Variants in TMEM135 observed in about 807,000 individuals in gnomAD.
TMEM135 encodes the protein peroxisomal membrane protein 52.
In TMEM135, 30 loss-of-function variants were observed where a neutral mutation model predicts 60.3. The observed-to-expected ratio is 0.50, with a 90% CI of 0.37 to 0.68. The LOEUF (loss-of-function observed/expected upper bound fraction) is 0.68. Ranked by LOEUF, TMEM135 falls within the 30% of genes least tolerant of loss-of-function variation. TMEM135 has a pLI of 0.00. For missense variants in TMEM135, 468 were observed against 548.8 expected (o/e 0.85, Z 1.47); for synonymous variants, 190 against 186.7 (o/e 1.02, Z -0.14).
At chr11:87,234,498 G>A (rs1940953732) in intron 5 of TMEM135, among the ~76,000 whole-genome samples, 1 of 151,988 alleles carries the variant, frequency 6.6e-6, no homozygotes, top group Admixed American at 6.6e-5. Flanking sequence ...CAAAAGGGCT[G>A]CCTGATTAAA....
At chr11:87,179,196 T>A (rs980618571) in intron 5 of TMEM135, among the ~76,000 whole-genome samples, 1 of 152,218 alleles carries the variant, frequency 6.6e-6, no homozygotes, top group African/African-American at 2.4e-5. Flanking sequence ...TAAATTTTCT[T>A]GCCCTTTTTT....
At chr11:87,057,817 T>TGTGTGTGTGTGTGTGTG (rs34314691) in intron 1 of TMEM135, among the ~76,000 whole-genome samples, 1 of 149,264 alleles carries the variant, frequency 6.7e-6, no homozygotes, top group African/African-American at 2.5e-5. Context: ...GTGTGTGTGT[T>TGTGTGTGTGTGTGTGTG]TGTGTGTGTG....
chr11:87,183,853 G>A (rs1939583350), intron 5 of TMEM135, among the ~76,000 whole-genome samples: 1 of 151,196 alleles, frequency 6.6e-6, no homozygotes, highest in South Asian at 2.1e-4. Flanking sequence ...CTAGTTGGGA[G>A]GCTGAGGCAG....
intron 5 of TMEM135, among the ~76,000 whole-genome samples, chr11:87,235,756 GT>G (rs1042680775): frequency 6.6e-6 from 1 of 151,824 alleles, no homozygotes; most frequent in Admixed American, 6.6e-5. Context: ...TTTCTAATCT[GT>G]TTTTTTGGTA....
chr11:87,148,509 A>G (rs1248886255), intron 4 of TMEM135, among the ~76,000 whole-genome samples: 3 of 152,190 alleles, frequency 2.0e-5, no homozygotes, highest in Non-Finnish European at 4.4e-5. Context: ...CTGATTGCCT[A>G]GGGTTTTGAG....
chr11:87,195,460 C>T (rs1338237493), intron 5 of TMEM135, among the ~76,000 whole-genome samples: 1 of 149,708 alleles, frequency 6.7e-6, no homozygotes, highest in African/African-American at 2.5e-5. Flanking sequence ...GAGTTTTACT[C>T]TTGTTGTCCA....
rs779017621 is a variant in TMEM135, at chr11:87,327,395, C to T, written c.*6062C>T. Reference sequence around the variant, plus strand: ...AGGTCAGAAAAATAGAAAGAACCTGCTTCTGTGAGCCACTGAATGGTGCCA... The same window carrying T: ...AGGTCAGAAAAATAGAAAGAACCTGTTTCTGTGAGCCACTGAATGGTGCCA... On this transcript the variant is annotated 3_prime_UTR_variant, in exon 15 of 15. Coordinates refer to ENST00000305494, the MANE Select transcript of TMEM135 (RefSeq NM_022918.4). 14 of 454,046 alleles carry T rather than the reference C, an allele frequency of 3.1e-5. 1 individual carries two copies. The highest frequency in any genetic ancestry group is 2.2e-4 in the South Asian group (14 of 64,464). The allele number at this position is 454,046 out of a possible 1,614,324, so 28.1% of individuals were successfully genotyped here.
chr11:87,134,942 T>C (rs1348778452), intron 4 of TMEM135, among the ~76,000 whole-genome samples: 2 of 152,212 alleles, frequency 1.3e-5, no homozygotes, highest in African/African-American at 2.4e-5. Context: ...TTCTAATAGG[T>C]ATATAGTCAT....
chr11:87,314,320 C>A, intron 11 of TMEM135, 151 bp from the exon 12 acceptor site: 1 of 635,252 alleles, frequency 1.6e-6, no homozygotes, highest in South Asian at 1.8e-5. Context: ...TATCTCACCC[C>A]ATTTTAATGT....
intron 6 of TMEM135, among the ~76,000 whole-genome samples, chr11:87,275,050 A>G (rs1345829954): frequency 1.3e-5 from 2 of 151,884 alleles, no homozygotes; most frequent in African/African-American, 4.8e-5. Flanking sequence ...AAATGAATGA[A>G]TATTTGAGAT....
intron 5 of TMEM135, among the ~76,000 whole-genome samples, chr11:87,195,904 T>G (rs1328448750): frequency 6.6e-6 from 1 of 152,200 alleles, no homozygotes; most frequent in East Asian, 1.9e-4. Context: ...GTATGTAGTA[T>G]CTGTTCGAGA....
intron 6 of TMEM135, among the ~76,000 whole-genome samples, chr11:87,267,897 G>C (rs147249959): frequency 6.6e-6 from 1 of 152,088 alleles, no homozygotes; most frequent in African/African-American, 2.4e-5. Flanking sequence ...TCACCATGTT[G>C]ACCAGAATGG....
At chr11:87,123,026 G>A (rs1937627848) in intron 4 of TMEM135, among the ~76,000 whole-genome samples, 1 of 152,200 alleles carries the variant, frequency 6.6e-6, no homozygotes, top group African/African-American at 2.4e-5. Flanking sequence ...CATAGACAAT[G>A]TGTAAACAAA....
At chr11:87,212,123 C>T (rs891444817) in intron 5 of TMEM135, among the ~76,000 whole-genome samples, 1 of 152,132 alleles carries the variant, frequency 6.6e-6, no homozygotes, top group South Asian at 2.1e-4. Context: ...TGATACATAG[C>T]AAATGCCCAA....
At chr11:87,293,994 C>G (rs1245816183) in intron 6 of TMEM135, among the ~76,000 whole-genome samples, 1 of 152,172 alleles carries the variant, frequency 6.6e-6, no homozygotes, top group Non-Finnish European at 1.5e-5. Context: ...TAAAAGCATT[C>G]CTACTTCTCC....
chr11:87,262,791 C>T (rs1467832881), intron 6 of TMEM135, among the ~76,000 whole-genome samples: 3 of 152,062 alleles, frequency 2.0e-5, no homozygotes, highest in Admixed American at 2.0e-4. Context: ...GGAAGGCTGT[C>T]TTCATAGCAG....
Position 87,099,846 on chromosome 11 carries a change from C to A in TMEM135, c.396+8451C>A, listed in dbSNP as rs184866914. The stretch of plus-strand genomic sequence containing the variant: ...TACAGGTGTGCACCACCATGCCTGG[C>A]TAATTTTTGTATTTTTAGTAGAGAC... On this transcript the variant is annotated intron_variant, in intron 4 of 14. Transcript: ENST00000305494. Among the ~76,000 whole-genome samples the A allele has an allele frequency of 2.0e-3, 302 of 151,964 alleles. 2 individuals are homozygous for A. Among genetic ancestry groups the A allele is most frequent in the African/African-American group, 6.6e-3 (274 of 41,444 alleles).
At chr11:87,215,596 G>A (rs1003835657) in intron 5 of TMEM135, among the ~76,000 whole-genome samples, 7 of 152,124 alleles carry the variant, frequency 4.6e-5, no homozygotes, top group Non-Finnish European at 8.8e-5. Flanking sequence ...CACTGGACTT[G>A]GAAGTTACAC....
At chr11:87,169,008 G>A (rs1023224402) in intron 5 of TMEM135, among the ~76,000 whole-genome samples, 1 of 151,838 alleles carries the variant, frequency 6.6e-6, no homozygotes, top group Admixed American at 6.6e-5. Flanking sequence ...TATATATTTA[G>A]GATAGTTAAC....
Sources: allele counts gnomAD v4.1 joint callset (sites outside exome capture counted in the v4.1 genomes callset), GRCh38; gene constraint gnomAD v4.1.1; transcripts MANE v1.5; gene names NCBI Gene and HGNC (gene_info 2026-07-23, HGNC 2026-07-21).